SDK1: variants seen among roughly 807,000 people sequenced by gnomAD.
SDK1 encodes the protein sidekick cell adhesion molecule 1.
A neutral mutation model predicts 245.5 loss-of-function variants in SDK1; 157 were observed. The ratio of observed to expected loss-of-function variants is 0.64; its 90% CI spans 0.56 to 0.73. The LOEUF is 0.73. Among genes scored for constraint, SDK1 ranks in the 30% least tolerant of loss-of-function variants. The pLI is 0.00. For missense variants in SDK1, 3,583 were observed against 3,002.3 expected (o/e 1.19, Z -4.52); for synonymous variants, 1,647 against 1,278.5 (o/e 1.29, Z -6.15).
intron 1 of SDK1, among the ~76,000 whole-genome samples, chr7:3,431,596 G>A (rs979714075): frequency 6.6e-6 from 1 of 152,106 alleles, no homozygotes; most frequent in African/African-American, 2.4e-5. Flanking sequence ...ATGAAGTGGT[G>A]AGTGGGAGAA....
chr7:4,200,272 A>T (rs1201736026), intron 35 of SDK1, among the ~76,000 whole-genome samples: 1 of 152,226 alleles, frequency 6.6e-6, no homozygotes, highest in Non-Finnish European at 1.5e-5. Context: ...ACCAAACTCC[A>T]GGCGGTCTTG....
chr7:3,829,001 G>T (rs1779850107), intron 5 of SDK1, among the ~76,000 whole-genome samples: 2 of 152,054 alleles, frequency 1.3e-5, no homozygotes, highest in South Asian at 4.2e-4. Context: ...GCTGTGATAT[G>T]ATTAATACAA....
intron 1 of SDK1, 84 bp from the exon 2 acceptor site, chr7:3,618,996 T>G: frequency 8.8e-7 from 1 of 1,141,674 alleles, no homozygotes; most frequent in East Asian, 2.6e-5. Flanking sequence ...TTACGTTTGT[T>G]TAAATAATAG....
chr7:3,832,244 G>A (rs928133534), intron 5 of SDK1, among the ~76,000 whole-genome samples: 2 of 152,152 alleles, frequency 1.3e-5, no homozygotes, highest in Non-Finnish European at 2.9e-5. Context: ...TCCCCAAAGA[G>A]ACTTTCACCA....
intron 1 of SDK1, among the ~76,000 whole-genome samples, chr7:3,535,299 TA>T (rs1562546381): frequency 6.6e-6 from 1 of 152,124 alleles, no homozygotes. Flanking sequence ...AGAAAACTGT[TA>T]GGCTATAAAG....
intron 5 of SDK1, among the ~76,000 whole-genome samples, chr7:3,874,526 GCTCCTTCCCTAC>G (rs1781028333): frequency 6.6e-6 from 1 of 152,130 alleles, no homozygotes; most frequent in South Asian, 2.1e-4. Flanking sequence ...AAGTGTTCCT[GCTCCTTCCCTAC>G]CTGTCATGCT....
rs1779486722 is a variant in SDK1 at position 3,918,879 on chromosome 7, C to T, written c.848-32044C>T. On this transcript the variant is annotated intron_variant, in intron 5 of 44. Coordinates refer to ENST00000404826, the MANE Select transcript of SDK1 (RefSeq NM_152744.4). Reference sequence around the variant, plus strand: ...ATGGCTTCTCACACTCTATTCTTCTCATGGACATATTCGTGCCACTTGCAG... The same window carrying T: ...ATGGCTTCTCACACTCTATTCTTCTTATGGACATATTCGTGCCACTTGCAG... Among the ~76,000 whole-genome samples the T allele has an allele frequency of 2.0e-5, 3 of 152,152 alleles. No individual in the cohort carries two copies. The South Asian group carries it at 6.2e-4, about 32-fold the overall frequency.
chr7:3,361,915 A>G (rs1032028528), intron 1 of SDK1, among the ~76,000 whole-genome samples: 1 of 152,216 alleles, frequency 6.6e-6, no homozygotes, highest in Non-Finnish European at 1.5e-5. Flanking sequence ...TTTAAGTACT[A>G]TATATCTAAG....
At chr7:4,075,300 T>G (rs980739979) in intron 20 of SDK1, among the ~76,000 whole-genome samples, 1 of 152,208 alleles carries the variant, frequency 6.6e-6, no homozygotes, top group African/African-American at 2.4e-5. Flanking sequence ...ACGGGGCCTG[T>G]GGCACGGCCA....
intron 1 of SDK1, among the ~76,000 whole-genome samples, chr7:3,335,427 T>G (rs938022352): frequency 2.0e-5 from 3 of 152,118 alleles, no homozygotes; most frequent in African/African-American, 7.2e-5. Context: ...TATCTTTTTT[T>G]TTTTTTTCTG....
At chr7:3,791,070 C>T (rs778870086) in intron 4 of SDK1, among the ~76,000 whole-genome samples, 1 of 151,906 alleles carries the variant, frequency 6.6e-6, no homozygotes, top group Non-Finnish European at 1.5e-5. Context: ...GTGCCTAGTT[C>T]CTGGGGAGTG....
chr7:3,928,136 C>T (rs1245373462), intron 5 of SDK1, among the ~76,000 whole-genome samples: 1 of 152,012 alleles, frequency 6.6e-6, no homozygotes, highest in Non-Finnish European at 1.5e-5. Context: ...GATATAACTT[C>T]AAAAAAGGTA....
At chr7:3,775,106 A>G (rs1319325402) in intron 4 of SDK1, among the ~76,000 whole-genome samples, 1 of 152,198 alleles carries the variant, frequency 6.6e-6, no homozygotes, top group Non-Finnish European at 1.5e-5. Context: ...TCACCTTTAC[A>G]AAGGCTCAAC....
intron 5 of SDK1, among the ~76,000 whole-genome samples, chr7:3,936,469 C>G (rs1025415671): frequency 2.6e-5 from 4 of 151,804 alleles, no homozygotes; most frequent in African/African-American, 9.7e-5. Context: ...CCTATAGTCC[C>G]AGCTACTCGG....
intron 22 of SDK1, among the ~76,000 whole-genome samples, chr7:4,092,338 G>A (rs1019890789): frequency 2.0e-5 from 3 of 152,254 alleles, no homozygotes; most frequent in African/African-American, 2.4e-5. Context: ...CTCCCAGGAC[G>A]CCTGGTTCTC....
chr7:4,109,594 C>T (rs915288068), intron 22 of SDK1, among the ~76,000 whole-genome samples: 1 of 152,236 alleles, frequency 6.6e-6, no homozygotes, highest in Non-Finnish European at 1.5e-5. Flanking sequence ...CCCAGAGCCA[C>T]ACGGCCACAC....
intron 35 of SDK1, 50 bp from the exon 36 acceptor site, chr7:4,205,828 GC>G: frequency 7.0e-7 from 1 of 1,437,822 alleles, no homozygotes; most frequent in South Asian, 1.2e-5. Flanking sequence ...GAGGGTCCGG[GC>G]CGGCTCTGAA....
chr7:4,237,934 G>T, intron 42 of SDK1, 150 bp downstream of exon 42: 1 of 981,566 alleles, frequency 1.0e-6, no homozygotes, highest in Non-Finnish European at 1.5e-6. Context: ...TTTTCTTTCT[G>T]GGGGCAGCCA....
intron 4 of SDK1, among the ~76,000 whole-genome samples, chr7:3,788,618 C>T (rs915852667): frequency 6.6e-6 from 1 of 152,142 alleles, no homozygotes; most frequent in African/African-American, 2.4e-5. Context: ...AAAGAATTGT[C>T]TTGGGCCCCA....
Sources: gnomAD v4.1 joint callset for allele counts (sites outside exome capture counted in the v4.1 genomes callset) on GRCh38, gnomAD v4.1.1 for gene constraint, MANE v1.5 for transcripts, NCBI Gene and HGNC (gene_info 2026-07-23, HGNC 2026-07-21) for gene names.